CD1A: variants seen among roughly 807,000 people sequenced by gnomAD.
CD1A encodes the protein CD1a molecule.
A neutral mutation model predicts 38.3 loss-of-function variants in CD1A; 50 were observed. That is an observed-to-expected ratio of 1.30 (90% confidence interval 1.04 to 1.65). The LOEUF (loss-of-function observed/expected upper bound fraction) is 1.65. Among genes scored for constraint, CD1A ranks in the 40% most tolerant of loss-of-function variants. The probability of loss-of-function intolerance (pLI) is 0.00; values close to 1 mark genes in which losing one functional copy is unlikely to be tolerated. For synonymous variants in CD1A, 160 were observed against 150.8 expected, an observed-to-expected ratio of 1.06 and a Z score of -0.45; for missense variants, 459 against 406.1, an observed-to-expected ratio of 1.13 and a Z score of -1.12.
chr1:158,248,846 G>T, the CD1A span, among the ~76,000 whole-genome samples: 14 of 151,990 alleles, frequency 9.2e-5, no homozygotes, highest in Admixed American at 9.2e-4. Context: ...TCATAGCTGA[G>T]TGAACACTCA....
Position 158,257,740 on chromosome 1 carries a change from C to T in CD1A, c.*50C>T. The stretch of plus-strand genomic sequence containing the variant: ...CCCTTCTCCTTTTGGGGTGAGAGAC[C>T]AGCAGCCCAAGGGCTCCAGACACAC... On this transcript the variant is annotated 3_prime_UTR_variant, in exon 6 of 6. Coordinates refer to ENST00000289429, the MANE Select transcript of CD1A (RefSeq NM_001763.3). 6.4e-7 allele frequency: 1 copy of T among 1,572,404 alleles called. No individual in the cohort carries two copies. The highest frequency in any genetic ancestry group is 8.8e-7 in the Non-Finnish European group (1 of 1,142,068).
chr1:158,253,730 T>C (rs1381973136), upstream of CD1A, among the ~76,000 whole-genome samples: 1 of 152,156 alleles, frequency 6.6e-6, no homozygotes, highest in Non-Finnish European at 1.5e-5. Context: ...TGGCGTACAT[T>C]AGTTAGGAGC....
chr1:158,255,938 A>T, intron 2 of CD1A, 66 bp from the exon 3 acceptor site: 1 of 1,484,024 alleles, frequency 6.7e-7, no homozygotes, highest in South Asian at 1.3e-5. Flanking sequence ...TGCTTCTATA[A>T]TCTTTGCTTC....
chr1:158,257,286 A>G (rs879427623), intron 4 of CD1A, 135 bp from the exon 5 acceptor site: 7 of 958,354 alleles, frequency 7.3e-6, no homozygotes, highest in Non-Finnish European at 1.1e-5. Context: ...TGAGAGAAAA[A>G]CATAGAAAAA....
At chr1:158,252,550 G>T (rs112786700), upstream of CD1A, among the ~76,000 whole-genome samples, 3 of 152,212 alleles carry the variant, frequency 2.0e-5, no homozygotes, top group African/African-American at 7.2e-5. Context: ...ATAAATTCAA[G>T]TTATGATTTT....
chr1:158,255,864 C>T, intron 2 of CD1A, 140 bp from the exon 3 acceptor site: 1 of 738,076 alleles, frequency 1.4e-6, no homozygotes, highest in Non-Finnish European at 2.2e-6. Context: ...ATTCCTCTTT[C>T]TCTGAATCCC....
intron 1 of CD1A, 56 bp downstream of exon 1, chr1:158,254,783 CTCTGTGTGTGTGTGTGTG>C (rs1650186816): frequency 8.7e-6 from 8 of 918,076 alleles, no homozygotes; most frequent in African/African-American, 2.0e-5. Context: ...CTCTCTCTCT[CTCTGTGTGTGTGTGTGTG>C]TGTGTGTGTG....
the CD1A span, chr1:158,248,526 G>A: frequency 2.1e-6 from 1 of 468,160 alleles, no homozygotes; most frequent in South Asian, 9.0e-5. Flanking sequence ...ACTTGCCTAG[G>A]ATAGCTGGGA....
At position 158,256,294 on chromosome 1, in the gene CD1A, A is replaced by T. The variant is rs1479948778; in HGVS notation, c.604+12A>T. 1 of 1,604,828 alleles carries T rather than the reference A, an allele frequency of 6.2e-7. No homozygotes were observed. Among genetic ancestry groups the T allele is most frequent in the Non-Finnish European group, 8.5e-7 (1 of 1,174,644 alleles). On this transcript the variant is annotated intron_variant, in intron 3 of 5. Coordinates refer to ENST00000289429, the MANE Select transcript of CD1A (RefSeq NM_001763.3). ...TCTCCAGCGGCAAGGTCAGTCCTGC[A>T]CTCTCCCTCCAAGAAGTTTTGATTT...
Position 158,254,657 on chromosome 1 carries a change from A to G in CD1A, c.-13A>G, listed in dbSNP as rs981696408. On this transcript the variant is annotated 5_prime_UTR_variant, in exon 1 of 6. Coordinates refer to ENST00000289429, the MANE Select transcript of CD1A (RefSeq NM_001763.3). ...AATTTTTCTGAGAGAAGGAAATAAC[A>G]TCTGCAAATGATATGCTGTTTTTGC... 2.5e-6 allele frequency: 4 copies of G among 1,614,158 alleles called. No homozygotes were observed. The highest frequency in any genetic ancestry group is 1.6e-4 in the Middle Eastern group (1 of 6,062).
chr1:158,257,763 C>CA lies in CD1A; in HGVS notation c.*74dup. On this transcript the variant is annotated 3_prime_UTR_variant, in exon 6 of 6. Transcript: ENST00000289429. ...ACCAGCAGCCCAAGGGCTCCAGACA[C>CA]ACCTGAACACATCGTGATGATGACG... The CA allele has an allele frequency of 7.8e-7, 1 of 1,276,544 alleles. No homozygotes were observed. The highest frequency in any genetic ancestry group is 1.1e-6 in the Non-Finnish European group (1 of 881,378). The allele number at this position is 1,276,544 out of a possible 1,614,324, so 79.1% of individuals were successfully genotyped here.
At chr1:158,248,944 T>C in the CD1A span, among the ~76,000 whole-genome samples, 1 of 152,272 alleles carries the variant, frequency 6.6e-6, no homozygotes, top group African/African-American at 2.4e-5. Flanking sequence ...AAAGATCAGC[T>C]CTGCCCACAG....
upstream of CD1A, among the ~76,000 whole-genome samples, chr1:158,250,044 C>A (rs113767692): frequency 2.0e-5 from 3 of 152,228 alleles, no homozygotes; most frequent in African/African-American, 7.2e-5. Context: ...GTGGGGATGG[C>A]TAAAGCCAAC....
intron 1 of CD1A, 100 bp from the exon 2 acceptor site, chr1:158,254,984 C>T: frequency 8.3e-7 from 1 of 1,204,870 alleles, no homozygotes; most frequent in South Asian, 1.4e-5. Flanking sequence ...TGATGGATCC[C>T]CTTTTCTCCA....
chr1:158,254,560 C>T lies in CD1A; in HGVS notation c.-110C>T. Reference sequence around the variant, plus strand: ...TTTGTTGCAGTCAGGGGAGGTTTGTCTGTTGGCTGCAGAAAGAAGTCAGAA... The same window carrying T: ...TTTGTTGCAGTCAGGGGAGGTTTGTTTGTTGGCTGCAGAAAGAAGTCAGAA... On this transcript the variant is annotated 5_prime_UTR_variant, in exon 1 of 6. Coordinates refer to ENST00000289429, the MANE Select transcript of CD1A (RefSeq NM_001763.3). 1 of 1,579,442 alleles carries T rather than the reference C, an allele frequency of 6.3e-7. No individual in the cohort carries two copies. Among genetic ancestry groups the T allele is most frequent in the Admixed American group, 1.7e-5 (1 of 58,110 alleles).
At position 158,255,110 on chromosome 1, in the gene CD1A, G is replaced by A. The variant is rs771303365; in HGVS notation, c.85G>A (p.Val29Ile). 1.7e-5 allele frequency: 28 copies of A among 1,613,824 alleles called. No homozygotes were observed. The highest frequency in any genetic ancestry group is 1.7e-6 in the Non-Finnish European group (2 of 1,180,016). Reference sequence around the variant, plus strand: ...GCTCAAGGAGCCTCTCTCCTTCCATGTCACCTGGATCGCATCCTTTTACAA... The same window carrying A: ...GCTCAAGGAGCCTCTCTCCTTCCATATCACCTGGATCGCATCCTTTTACAA... ...DGLKEPLSFH[V>I]TWIASFYNHS... The change falls in exon 2 of 6, where the codon GTC becomes ATC. Residue 29 changes from valine (V) to isoleucine (I), a missense_variant. Val to Ile is a conservative substitution (Grantham distance 29, BLOSUM62 3). Transcript: ENST00000289429.
chr1:158,248,336 A>C, the CD1A span: 1 of 977,610 alleles, frequency 1.0e-6, no homozygotes, highest in Admixed American at 6.2e-5. Context: ...GGGAGCTTTC[A>C]TATCTGGGTT....
chr1:158,251,091 T>C (rs766168805), upstream of CD1A, among the ~76,000 whole-genome samples: 1 of 152,154 alleles, frequency 6.6e-6, no homozygotes, highest in Non-Finnish European at 1.5e-5. Context: ...ATATTTTGTA[T>C]GTTATATGTA....
In CD1A at chr1:158,255,235, G is replaced by A; in HGVS notation, c.210G>A (p.Trp70Ter). Residue 70 changes from tryptophan to a stop codon, truncating the protein, a stop_gained, in exon 2 of 6, where the codon TGG (tryptophan) becomes TGA (stop). Coordinates refer to ENST00000289429, the MANE Select transcript of CD1A (RefSeq NM_001763.3). LOFTEE classifies it high-confidence loss of function. The stretch of plus-strand genomic sequence containing the variant: ...GCACCATCGTTTTCCTGTGCCCCTG[G>A]TCCAGGGGAAACTTCAGCAATGAGG... ...NSSTIVFLCP[W>*]SRGNFSNEEW... The A allele has an allele frequency of 6.2e-7, 1 of 1,614,082 alleles. No individual in the cohort carries two copies. Among genetic ancestry groups the A allele is most frequent in the Admixed American group, 1.7e-5 (1 of 60,016 alleles).
Sources: gnomAD v4.1 joint callset for allele counts (sites outside exome capture counted in the v4.1 genomes callset) on GRCh38, gnomAD v4.1.1 for gene constraint, MANE v1.5 for transcripts, NCBI Gene and HGNC (gene_info 2026-07-23, HGNC 2026-07-21) for gene names.